MREG: variants seen among roughly 807,000 people sequenced by gnomAD.
The protein encoded by MREG is melanoregulin.
In MREG, 31 loss-of-function variants were observed where a neutral mutation model predicts 28.5. The ratio of observed to expected loss-of-function variants is 1.09; its 90% CI spans 0.82 to 1.47. The LOEUF is 1.47. Ranked by LOEUF, MREG falls within the 40% of genes most tolerant of loss-of-function variation. The pLI, the probability that MREG is intolerant of heterozygous loss-of-function variation, is 0.00. For synonymous variants in MREG, 106 were observed against 95.2 expected (o/e 1.11, Z -0.66); for missense variants, 256 against 257.4 (o/e 0.99, Z 0.04).
intron 2 of MREG, among the ~76,000 whole-genome samples, chr2:215,954,767 G>A (rs974169724): frequency 6.6e-6 from 1 of 151,500 alleles, no homozygotes; most frequent in African/African-American, 2.4e-5. Context: ...GCAATGGCAC[G>A]ATCTCTGCTC....
At chr2:215,969,794 A>G (rs914075338) in intron 2 of MREG, among the ~76,000 whole-genome samples, 2 of 151,212 alleles carry the variant, frequency 1.3e-5, no homozygotes, top group Non-Finnish European at 2.9e-5. Flanking sequence ...GTCTCCCAAT[A>G]TGGAGGTCAT....
At chr2:215,967,261 A>G (rs1692967648) in intron 2 of MREG, among the ~76,000 whole-genome samples, 1 of 152,212 alleles carries the variant, frequency 6.6e-6, no homozygotes, top group Non-Finnish European at 1.5e-5. Context: ...CTTTGTCAAC[A>G]TGATAGGCTT....
intron 1 of MREG, among the ~76,000 whole-genome samples, chr2:216,005,444 C>T (rs199946275): frequency 4.7e-4 from 41 of 86,320 alleles, no homozygotes; most frequent in Admixed American, 1.3e-3. Context: ...TCTAGTTATT[C>T]TTTTTTTTTT....
At chr2:216,029,507 G>A (rs540479490) in intron 1 of MREG, among the ~76,000 whole-genome samples, 16 of 152,276 alleles carry the variant, frequency 1.1e-4, no homozygotes, top group Admixed American at 5.2e-4. Context: ...GAGTTAGGAC[G>A]ACAAAGGCAA....
chr2:215,956,714 ATTT>A (rs777012073), intron 2 of MREG, among the ~76,000 whole-genome samples: 2 of 151,950 alleles, frequency 1.3e-5, no homozygotes, highest in African/African-American at 2.4e-5. Context: ...AATTTTGTTT[ATTT>A]TTTGTAGAGA....
intron 1 of MREG, among the ~76,000 whole-genome samples, chr2:215,998,297 C>T (rs867984871): frequency 1.4e-4 from 21 of 145,348 alleles, no homozygotes; most frequent in South Asian, 2.1e-4. Context: ...AAGAGCAAAA[C>T]TCCATCTCAC....
intron 1 of MREG, among the ~76,000 whole-genome samples, chr2:216,030,028 T>C (rs1694656307): frequency 6.6e-6 from 1 of 152,210 alleles, no homozygotes; most frequent in Non-Finnish European, 1.5e-5. Context: ...CATCTTTGTG[T>C]TCACATTCAT....
chr2:215,969,419 C>T (rs1268500655), intron 2 of MREG, among the ~76,000 whole-genome samples: 4 of 152,188 alleles, frequency 2.6e-5, no homozygotes, highest in Non-Finnish European at 4.4e-5. Context: ...TGAGATTTCA[C>T]CCCCTTTACA....
chr2:216,005,789 GT>G (rs1241932034), intron 1 of MREG, among the ~76,000 whole-genome samples: 2 of 130,642 alleles, frequency 1.5e-5, no homozygotes, highest in Admixed American at 8.9e-5. Flanking sequence ...ATTTGTGTAT[GT>G]TTTTTGTCTG....
At chr2:216,006,238 T>C (rs1413462435) in intron 1 of MREG, among the ~76,000 whole-genome samples, 2 of 152,232 alleles carry the variant, frequency 1.3e-5, no homozygotes, top group Non-Finnish European at 2.9e-5. Flanking sequence ...AGAGGGACGC[T>C]GTGGCTTGCC....
At chr2:216,028,979 T>TCC (rs1294311713) in intron 1 of MREG, among the ~76,000 whole-genome samples, 1 of 151,904 alleles carries the variant, frequency 6.6e-6, no homozygotes, top group African/African-American at 2.4e-5. Flanking sequence ...GTTTTGGTTT[T>TCC]CCCCCCATTG....
At chr2:215,999,887 G>C (rs1693969599) in intron 1 of MREG, among the ~76,000 whole-genome samples, 1 of 152,178 alleles carries the variant, frequency 6.6e-6, no homozygotes, top group African/African-American at 2.4e-5. Context: ...TCTAGATGTG[G>C]GAGCAATACG....
upstream of MREG, among the ~76,000 whole-genome samples, chr2:216,014,118 C>T (rs1694389179): frequency 6.6e-6 from 1 of 152,048 alleles, no homozygotes; most frequent in Non-Finnish European, 1.5e-5. Flanking sequence ...CGGCATACTC[C>T]ACACATTTCT....
At chr2:216,031,688 A>AG (rs749161289) in intron 1 of MREG, among the ~76,000 whole-genome samples, 1 of 46,242 alleles carries the variant, frequency 2.2e-5, no homozygotes, top group African/African-American at 1.0e-4. Context: ...AGAAAGAAAG[A>AG]AAGAGAAAGA....
At chr2:216,010,531 G>A (rs925753581) in intron 1 of MREG, among the ~76,000 whole-genome samples, 2 of 150,912 alleles carry the variant, frequency 1.3e-5, no homozygotes, top group Non-Finnish European at 3.0e-5. Context: ...CTAATTTTTT[G>A]TATTTTTAGT....
intron 1 of MREG, among the ~76,000 whole-genome samples, chr2:216,001,495 T>C (rs1694012134): frequency 6.6e-6 from 1 of 152,236 alleles, no homozygotes; most frequent in Non-Finnish European, 1.5e-5. Flanking sequence ...GACCTGCTCG[T>C]GGCTACGAAG....
intron 1 of MREG, among the ~76,000 whole-genome samples, chr2:216,005,270 T>C (rs991893603): frequency 7.9e-5 from 12 of 152,032 alleles, no homozygotes; most frequent in Non-Finnish European, 1.5e-4. Flanking sequence ...GAACACACAG[T>C]TTGATCCCAT....
At chr2:215,956,560 A>G (rs1402405385) in intron 2 of MREG, among the ~76,000 whole-genome samples, 1 of 152,114 alleles carries the variant, frequency 6.6e-6, no homozygotes, top group Non-Finnish European at 1.5e-5. Context: ...TGTTTTTGAG[A>G]TAGTATCTCA....
At chr2:215,981,370 T>C (rs1693425355) in intron 2 of MREG, among the ~76,000 whole-genome samples, 1 of 152,170 alleles carries the variant, frequency 6.6e-6, no homozygotes, top group African/African-American at 2.4e-5. Flanking sequence ...TGAATGAACT[T>C]TGGAAACATT....
Sources: allele counts gnomAD v4.1 joint callset (sites outside exome capture counted in the v4.1 genomes callset), GRCh38; gene constraint gnomAD v4.1.1; transcripts MANE v1.5; gene names NCBI Gene and HGNC (gene_info 2026-07-23, HGNC 2026-07-21).